Variants in PCLO observed in about 807,000 individuals in gnomAD.
PCLO encodes the protein protein piccolo.
A neutral mutation model predicts 427.5 loss-of-function variants in PCLO; 82 were observed. The ratio of observed to expected loss-of-function variants is 0.19; its 90% CI spans 0.16 to 0.23. PCLO has a LOEUF of 0.23. PCLO is among the 10% of genes least tolerant of loss of function. The pLI, the probability that PCLO is intolerant of heterozygous loss-of-function variation, is 1.00. For synonymous variants in PCLO, 2,357 were observed against 2,155.4 expected (o/e 1.09, Z -2.59); for missense variants, 6,239 against 6,115.9 (o/e 1.02, Z -0.67).
intron 21 of PCLO, among the ~76,000 whole-genome samples, chr7:82,802,268 A>AAAT (rs5885311): frequency 0.38 from 57,111 of 151,230 alleles, 12,656 homozygotes; most frequent in East Asian, 0.67. Flanking sequence ...ATGAAAAAAA[A>AAAT]CACATGAAAA....
Position 83,139,634 on chromosome 7 carries a change from G to T in PCLO, c.1894-3978C>A, listed in dbSNP as rs115892771. 9.3e-3 allele frequency among the ~76,000 whole-genome samples: 1,414 copies of T among 152,268 alleles called. 21 individuals carry two copies. The highest frequency in any genetic ancestry group is 0.032 in the African/African-American group (1,332 of 41,552). On this transcript the variant is annotated intron_variant, in intron 2 of 24. Transcript: ENST00000333891. ...GAGTCACTGTCCCTTCACAGGGAGA[G>T]AATTCTGCTTTTCTCCTAATATACC...
At chr7:83,113,690 T>G (rs181754709) in intron 3 of PCLO, among the ~76,000 whole-genome samples, 143 of 152,258 alleles carry the variant, frequency 9.4e-4, no homozygotes, top group African/African-American at 3.1e-3. Context: ...TGCCTGGCAC[T>G]CATAGAACTT....
At chr7:82,868,083 C>A (rs930688149) in intron 10 of PCLO, 7 of 455,368 alleles carry the variant, frequency 1.5e-5, no homozygotes, top group African/African-American at 8.0e-5. Context: ...TTTGAGAAAT[C>A]TCATGCTAAT....
At chr7:83,097,871 T>C (rs942298400) in intron 3 of PCLO, among the ~76,000 whole-genome samples, 2 of 152,002 alleles carry the variant, frequency 1.3e-5, no homozygotes, top group African/African-American at 4.8e-5. Flanking sequence ...ATACATACTA[T>C]ATAATACATG....
chr7:83,001,971 G>A (rs1268162866), intron 3 of PCLO, among the ~76,000 whole-genome samples: 1 of 152,046 alleles, frequency 6.6e-6, no homozygotes, highest in East Asian at 1.9e-4. Flanking sequence ...CTACCACAGG[G>A]ACTCTATGCC....
In PCLO at chr7:83,093,492, A is replaced by AT. The variant is rs1169852004; in HGVS notation, c.3300+40757dup. Among the ~76,000 whole-genome samples the AT allele has an allele frequency of 7.3e-3, 434 of 59,332 alleles. 17 individuals carry two copies. Among genetic ancestry groups the AT allele is most frequent in the Non-Finnish European group, 9.7e-3 (296 of 30,602 alleles). 38.9% of individuals were successfully genotyped at this position (59,332 alleles called of 152,430 possible). A position where few individuals can be genotyped will look rare whatever the true frequency, so the allele number is the denominator to read the frequency against. ...TGTGTGTATAGATATATATATATATATTTTTTTTTTTTTTTTTTGAGATGG... is the reference window on the plus strand; with the variant it reads ...TGTGTGTATAGATATATATATATATATTTTTTTTTTTTTTTTTTTGAGATGG... On this transcript the variant is annotated intron_variant, in intron 3 of 24. Coordinates refer to ENST00000333891, the MANE Select transcript of PCLO (RefSeq NM_033026.6).
intron 22 of PCLO, among the ~76,000 whole-genome samples, chr7:82,766,754 G>A (rs1017530371): frequency 6.6e-6 from 1 of 152,092 alleles, no homozygotes; most frequent in Non-Finnish European, 1.5e-5. Context: ...CTTCTCACTT[G>A]GGGAGAAAAG....
intron 1 of PCLO, 75 bp downstream of exon 1, chr7:83,162,270 C>T (rs1257948228): frequency 6.8e-7 from 1 of 1,462,570 alleles, no homozygotes; most frequent in African/African-American, 1.4e-5. Flanking sequence ...GCCGTGCTGG[C>T]ACATACAGGC....
Position 82,950,035 on chromosome 7 carries a change from ACTG to A in PCLO, c.10550_10552del (p.Ala3517del). 2 of 1,612,376 alleles carry A rather than the reference ACTG, an allele frequency of 1.2e-6. No homozygotes were observed. Among genetic ancestry groups the A allele is most frequent in the Non-Finnish European group, 1.7e-6 (2 of 1,179,590 alleles). ...CACAGATATCTCTGCTACCGTTTGAACTGCTATGCTGGAGACTTTGGAAAGGGG... is the reference window on the plus strand; with the variant it reads ...CACAGATATCTCTGCTACCGTTTGAACTATGCTGGAGACTTTGGAAAGGGG... On this transcript the variant is annotated inframe_deletion, in exon 6 of 25. Transcript: ENST00000333891.
chr7:83,018,639 A>T (rs1788267769), intron 3 of PCLO, among the ~76,000 whole-genome samples: 1 of 152,048 alleles, frequency 6.6e-6, no homozygotes, highest in African/African-American at 2.4e-5. Context: ...AATCCCTTAA[A>T]TATGTACATG....
At chr7:82,998,391 AAACAACAACAACAACAACAAC>A (rs79603092) in intron 3 of PCLO, among the ~76,000 whole-genome samples, 31 of 149,272 alleles carry the variant, frequency 2.1e-4, no homozygotes, top group South Asian at 8.5e-4. Flanking sequence ...TGTCCTTTAA[AAACAACAACAACAACAACAAC>A]AACAACAACA....
intron 3 of PCLO, among the ~76,000 whole-genome samples, chr7:83,127,541 T>C (rs1791467790): frequency 6.6e-6 from 1 of 152,108 alleles, no homozygotes; most frequent in Non-Finnish European, 1.5e-5. Flanking sequence ...AGAATACTAC[T>C]TTTGGAATTA....
intron 3 of PCLO, among the ~76,000 whole-genome samples, chr7:83,082,274 GA>G (rs1289619886): frequency 2.8e-4 from 43 of 151,524 alleles, no homozygotes; most frequent in Middle Eastern, 3.4e-3. Context: ...ATATTTTATA[GA>G]TGTTTCATAC....
At chr7:83,122,761 A>C (rs1327149479) in intron 3 of PCLO, among the ~76,000 whole-genome samples, 1 of 152,220 alleles carries the variant, frequency 6.6e-6, no homozygotes, top group Non-Finnish European at 1.5e-5. Context: ...CCACCAGAAA[A>C]ACAATTAGAA....
intron 3 of PCLO, among the ~76,000 whole-genome samples, chr7:83,069,558 C>A (rs1789753085): frequency 6.6e-6 from 1 of 152,088 alleles, no homozygotes; most frequent in Non-Finnish European, 1.5e-5. Flanking sequence ...TCAAGTTATA[C>A]ATGTACTTTT....
At chr7:82,819,485 A>AAAGT (rs36123905) in intron 20 of PCLO, among the ~76,000 whole-genome samples, 122,686 of 151,600 alleles carry the variant, frequency 0.81, 49,753 homozygotes, top group East Asian at 0.93. Context: ...AAGAATATTT[A>AAAGT]AAGAACGTGA....
intron 3 of PCLO, among the ~76,000 whole-genome samples, chr7:83,097,819 A>C (rs1790633661): frequency 6.6e-6 from 1 of 151,848 alleles, no homozygotes; most frequent in African/African-American, 2.4e-5. Flanking sequence ...ATCATATTTT[A>C]AAAACTTTTT....
chr7:83,005,533 T>C (rs898796419), intron 3 of PCLO, among the ~76,000 whole-genome samples: 2 of 151,610 alleles, frequency 1.3e-5, no homozygotes, highest in African/African-American at 2.4e-5. Context: ...ATGTATTGTA[T>C]ACTTGAGTTT....
Position 83,095,507 on chromosome 7 carries a change from G to A in PCLO, c.3300+38743C>T, listed in dbSNP as rs146717692. 1.5e-3 allele frequency among the ~76,000 whole-genome samples: 220 copies of A among 151,432 alleles called. 2 individuals carry two copies. The highest frequency in any genetic ancestry group is 5.0e-3 in the African/African-American group (205 of 41,314). On this transcript the variant is annotated intron_variant, in intron 3 of 24. Transcript: ENST00000333891. ...TGCTCTATTTTTTTTAGGTTCTTAAGGTAGGAGCTTAGATTATTAATCTGA... is the reference window on the plus strand; with the variant it reads ...TGCTCTATTTTTTTTAGGTTCTTAAAGTAGGAGCTTAGATTATTAATCTGA...
Sources: allele counts gnomAD v4.1 joint callset (sites outside exome capture counted in the v4.1 genomes callset), GRCh38; gene constraint gnomAD v4.1.1; transcripts MANE v1.5; gene names NCBI Gene and HGNC (gene_info 2026-07-23, HGNC 2026-07-21).